The following THSD7B variants were observed in gnomAD, a reference collection of about 807,000 sequenced individuals.
THSD7B encodes the protein thrombospondin type 1 domain containing 7B.
A neutral mutation model predicts 213.6 loss-of-function variants in THSD7B; 138 were observed. The ratio of observed to expected loss-of-function variants is 0.65; its 90% confidence interval spans 0.56 to 0.74. THSD7B has a LOEUF of 0.74. THSD7B is among the 30% of genes least tolerant of loss of function. THSD7B has a pLI of 0.00. For missense variants in THSD7B, 1,931 were observed against 1,991.5 expected (o/e 0.97, Z 0.58); for synonymous variants, 742 against 687.0 (o/e 1.08, Z -1.25).
intron 12 of THSD7B, among the ~76,000 whole-genome samples, chr2:137,387,327 C>T (rs557060831): frequency 1.3e-5 from 2 of 152,296 alleles, no homozygotes; most frequent in South Asian, 2.1e-4. Context: ...AACAAGGATA[C>T]TCAGCTGTCC....
intron 27 of THSD7B, among the ~76,000 whole-genome samples, chr2:137,674,020 G>A (rs567060837): frequency 1.3e-5 from 2 of 152,252 alleles, no homozygotes; most frequent in South Asian, 2.1e-4. Flanking sequence ...ATGGTAAGTG[G>A]TATAAACATA....
At chr2:136,858,947 A>G (rs1683218453) in intron 1 of THSD7B, among the ~76,000 whole-genome samples, 1 of 152,346 alleles carries the variant, frequency 6.6e-6, no homozygotes, top group Middle Eastern at 3.4e-3. Context: ...TTACGGGAAT[A>G]GAGAGACAGT....
At chr2:136,902,253 AC>A (rs1684075291) in intron 2 of THSD7B, among the ~76,000 whole-genome samples, 1 of 152,246 alleles carries the variant, frequency 6.6e-6, no homozygotes, top group African/African-American at 2.4e-5. Flanking sequence ...GTTTAGGATG[AC>A]TAAATTAGCA....
At chr2:137,202,185 T>C (rs888984222) in intron 7 of THSD7B, among the ~76,000 whole-genome samples, 3 of 152,220 alleles carry the variant, frequency 2.0e-5, no homozygotes, top group African/African-American at 7.2e-5. Flanking sequence ...TGTATGATTT[T>C]GTTTTCATTA....
rs145384729 is a variant in THSD7B, at chr2:136,781,089, C to G, written c.-36+15402C>G. 1.8e-4 allele frequency among the ~76,000 whole-genome samples: 27 copies of G among 152,126 alleles called. No individual in the cohort carries two copies. In the East Asian group the frequency reaches 5.0e-3, roughly 28 times the overall value. On this transcript the variant is annotated intron_variant, in intron 1 of 27. Coordinates refer to ENST00000409968, the MANE Select transcript of THSD7B (RefSeq NM_001316349.2). Reference sequence around the variant, plus strand: ...TGTGATTTTAAATATGCCTGTGTAACAGGGTTAATAACAAATTTTAATATG... The same window carrying G: ...TGTGATTTTAAATATGCCTGTGTAAGAGGGTTAATAACAAATTTTAATATG...
chr2:137,278,750 A>G (rs910350796), intron 12 of THSD7B, among the ~76,000 whole-genome samples: 5 of 152,122 alleles, frequency 3.3e-5, no homozygotes, highest in South Asian at 2.1e-4. Context: ...GAAAGAATAG[A>G]GGACCTGTCA....
At chr2:137,433,408 G>C (rs140353931) in intron 14 of THSD7B, among the ~76,000 whole-genome samples, 5,600 of 151,832 alleles carry the variant, frequency 0.037, 145 homozygotes, top group Non-Finnish European at 0.052. Context: ...CCAGGCTGGA[G>C]TGCAGTGGCG....
At chr2:137,549,181 C>T (rs1573700552) in intron 15 of THSD7B, among the ~76,000 whole-genome samples, 1 of 152,008 alleles carries the variant, frequency 6.6e-6, no homozygotes, top group East Asian at 1.9e-4. Flanking sequence ...TTCACTTCAC[C>T]TTAGTACATA....
chr2:137,085,198 C>A (rs1687816800), intron 3 of THSD7B, among the ~76,000 whole-genome samples: 1 of 152,206 alleles, frequency 6.6e-6, no homozygotes. Flanking sequence ...AAATAAAACG[C>A]CCTGGTCCTT....
intron 14 of THSD7B, among the ~76,000 whole-genome samples, chr2:137,416,866 C>G (rs971438804): frequency 2.0e-5 from 3 of 152,110 alleles, no homozygotes; most frequent in African/African-American, 7.2e-5. Flanking sequence ...AGTGGATAAG[C>G]AATGTTTTTG....
intron 17 of THSD7B, among the ~76,000 whole-genome samples, chr2:137,572,970 A>G (rs1681387468): frequency 6.6e-6 from 1 of 151,960 alleles, no homozygotes; most frequent in Admixed American, 6.6e-5. Flanking sequence ...AGCTTCTGTT[A>G]GTGATGATCT....
intron 2 of THSD7B, among the ~76,000 whole-genome samples, chr2:137,007,864 T>C (rs940552542): frequency 5.9e-5 from 9 of 152,138 alleles, no homozygotes; most frequent in African/African-American, 2.2e-4. Flanking sequence ...TAATTCCAGG[T>C]CAATTGATGT....
intron 12 of THSD7B, among the ~76,000 whole-genome samples, chr2:137,402,648 C>T (rs968767073): frequency 2.6e-5 from 4 of 151,810 alleles, no homozygotes; most frequent in African/African-American, 9.7e-5. Context: ...GAAACCCCAT[C>T]TCTACTAAAA....
At chr2:136,940,863 G>GTTT (rs34409932) in intron 2 of THSD7B, among the ~76,000 whole-genome samples, 2 of 132,100 alleles carry the variant, frequency 1.5e-5, no homozygotes, top group African/African-American at 5.5e-5. Context: ...ATTCTTAGTT[G>GTTT]TTTTTTTTTT....
At chr2:136,803,610 C>G (rs1471177309) in intron 1 of THSD7B, among the ~76,000 whole-genome samples, 1 of 152,058 alleles carries the variant, frequency 6.6e-6, no homozygotes, top group Non-Finnish European at 1.5e-5. Flanking sequence ...TTCAGAAAAA[C>G]AGAACCAATA....
intron 15 of THSD7B, among the ~76,000 whole-genome samples, chr2:137,509,322 C>CTCTT (rs373511175): frequency 6.5e-5 from 9 of 137,622 alleles, no homozygotes; most frequent in South Asian, 2.4e-4. Context: ...TCTTTCTTTT[C>CTCTT]TCTTTCTTTC....
chr2:137,398,981 C>A (rs1042406357), intron 12 of THSD7B, among the ~76,000 whole-genome samples: 1 of 152,190 alleles, frequency 6.6e-6, no homozygotes, highest in African/African-American at 2.4e-5. Flanking sequence ...TCCCTGACCC[C>A]TTGTGCTTCC....
intron 2 of THSD7B, among the ~76,000 whole-genome samples, chr2:136,930,726 T>C (rs1250954319): frequency 6.6e-6 from 1 of 152,160 alleles, no homozygotes; most frequent in Non-Finnish European, 1.5e-5. Flanking sequence ...AAGCCAGTCT[T>C]TGTGTCTGCT....
intron 2 of THSD7B, among the ~76,000 whole-genome samples, chr2:137,017,972 C>A (rs1182819886): frequency 6.6e-6 from 1 of 150,644 alleles, no homozygotes; most frequent in African/African-American, 2.4e-5. Context: ...GGGAAAGACA[C>A]CTTTGTCTTC....
Sources: gnomAD v4.1 joint callset for allele counts (sites outside exome capture counted in the v4.1 genomes callset) on GRCh38, gnomAD v4.1.1 for gene constraint, MANE v1.5 for transcripts, NCBI Gene and HGNC (gene_info 2026-07-23, HGNC 2026-07-21) for gene names.